The following CALN1 variants were observed in gnomAD, a reference collection of about 807,000 sequenced individuals.
CALN1 encodes calcium-binding protein 8.
Under a neutral mutation model 30.6 loss-of-function variants are expected in CALN1, and 17 were observed. That is an observed-to-expected ratio of 0.56 (90% CI 0.38 to 0.83). The LOEUF (loss-of-function observed/expected upper bound fraction) is 0.83, where lower values mean the gene tolerates loss of function less well. Among genes scored for constraint, CALN1 ranks in the 40% least tolerant of loss-of-function variants. The pLI, the probability that CALN1 is intolerant of heterozygous loss-of-function variation, is 0.00. For synonymous variants in CALN1, 156 were observed against 131.4 expected (o/e 1.19, Z -1.28); for missense variants, 291 against 354.9 (o/e 0.82, Z 1.45).
At chr7:72,103,691 G>C (rs1025317176) in intron 4 of CALN1, among the ~76,000 whole-genome samples, 7 of 152,082 alleles carry the variant, frequency 4.6e-5, no homozygotes, top group African/African-American at 1.7e-4. Context: ...GACTAGACAG[G>C]GGACTGCCAC....
chr7:71,924,964 G>C (rs1466334999), intron 5 of CALN1, among the ~76,000 whole-genome samples: 1 of 152,140 alleles, frequency 6.6e-6, no homozygotes, highest in Non-Finnish European at 1.5e-5. Flanking sequence ...AATTTGGCCG[G>C]GTGCAGTGGC....
At chr7:71,813,866 G>A (rs909962972) in intron 5 of CALN1, among the ~76,000 whole-genome samples, 2 of 148,776 alleles carry the variant, frequency 1.3e-5, no homozygotes, top group African/African-American at 5.0e-5. Flanking sequence ...GGGAGGCGGA[G>A]CTTGCAGTGA....
At chr7:72,252,769 C>T (rs1373934811) in intron 3 of CALN1, among the ~76,000 whole-genome samples, 2 of 152,052 alleles carry the variant, frequency 1.3e-5, no homozygotes, top group African/African-American at 4.8e-5. Flanking sequence ...ACTCCTGTTC[C>T]TGCTTATTTT....
intron 3 of CALN1, among the ~76,000 whole-genome samples, chr7:72,161,734 G>A (rs1788124598): frequency 6.6e-6 from 1 of 152,030 alleles, no homozygotes; most frequent in Non-Finnish European, 1.5e-5. Flanking sequence ...CAGGGACACA[G>A]GGAGGGGAGC....
intron 5 of CALN1, among the ~76,000 whole-genome samples, chr7:71,870,868 A>G (rs1791881906): frequency 6.6e-6 from 1 of 152,166 alleles, no homozygotes; most frequent in African/African-American, 2.4e-5. Context: ...GAGAGAAAAG[A>G]CTGCTGAGCA....
intron 4 of CALN1, among the ~76,000 whole-genome samples, chr7:72,024,642 G>A (rs992619549): frequency 3.9e-5 from 6 of 152,018 alleles, no homozygotes; most frequent in East Asian, 3.9e-4. Context: ...CAAGTGATCC[G>A]CCTGCCTTGG....
the CALN1 span, among the ~76,000 whole-genome samples, chr7:72,501,940 T>TAA: frequency 1.2e-5 from 1 of 83,944 alleles, no homozygotes; most frequent in Non-Finnish European, 2.2e-5. Context: ...TATATATATA[T>TAA]ATATATATAC....
At chr7:71,929,058 C>T (rs1303110828) in intron 5 of CALN1, among the ~76,000 whole-genome samples, 2 of 152,102 alleles carry the variant, frequency 1.3e-5, no homozygotes, top group African/African-American at 2.4e-5. Context: ...GGTCTGGCTA[C>T]TTCCACTTAG....
intron 2 of CALN1, among the ~76,000 whole-genome samples, chr7:72,327,507 G>A (rs1024652628): frequency 1.3e-5 from 2 of 152,050 alleles, no homozygotes; most frequent in Admixed American, 6.6e-5. Flanking sequence ...ATAAATAAAC[G>A]AACACTTCAT....
chr7:72,441,443 T>G (rs1315267483), intron 1 of CALN1, among the ~76,000 whole-genome samples: 2 of 151,434 alleles, frequency 1.3e-5, no homozygotes, highest in Non-Finnish European at 2.9e-5. Flanking sequence ...ACTAAAAATA[T>G]AAAAATTAGT....
intron 5 of CALN1, among the ~76,000 whole-genome samples, chr7:71,851,517 CAAAA>C (rs1214442950): frequency 6.7e-6 from 1 of 149,248 alleles, no homozygotes; most frequent in African/African-American, 2.5e-5. Context: ...GGCCGTGTCT[CAAAA>C]AAGAAAAAAA....
chr7:72,155,531 T>A (rs569136995), intron 3 of CALN1, among the ~76,000 whole-genome samples: 1 of 149,756 alleles, frequency 6.7e-6, no homozygotes, highest in Non-Finnish European at 1.5e-5. Flanking sequence ...AAAAAGAAAA[T>A]GTGTGTTGTT....
intron 2 of CALN1, among the ~76,000 whole-genome samples, chr7:72,335,614 T>C (rs1801967641): frequency 6.6e-6 from 1 of 152,200 alleles, no homozygotes; most frequent in African/African-American, 2.4e-5. Flanking sequence ...GCTCAGGGCC[T>C]GGGGATGGCT....
At chr7:72,017,113 G>A (rs867453427) in intron 5 of CALN1, among the ~76,000 whole-genome samples, 8 of 148,040 alleles carry the variant, frequency 5.4e-5, no homozygotes, top group Non-Finnish European at 1.0e-4. Context: ...GCAGTGAGCC[G>A]AGATGATGTA....
chr7:72,502,945 G>C, the CALN1 span, among the ~76,000 whole-genome samples: 2 of 152,122 alleles, frequency 1.3e-5, no homozygotes, highest in Admixed American at 6.5e-5. Flanking sequence ...TTGAGGTCAG[G>C]AGTTCGAGAC....
intron 5 of CALN1, among the ~76,000 whole-genome samples, chr7:71,955,920 A>G (rs1017030968): frequency 1.3e-5 from 2 of 151,986 alleles, no homozygotes; most frequent in Non-Finnish European, 2.9e-5. Context: ...GTACCTGGTG[A>G]TCTCAGAGCC....
chr7:71,953,272 T>G (rs1031703919), intron 5 of CALN1, among the ~76,000 whole-genome samples: 2 of 152,082 alleles, frequency 1.3e-5, no homozygotes, highest in Non-Finnish European at 2.9e-5. Flanking sequence ...CCTCCACACT[T>G]TATCTTAATC....
intron 3 of CALN1, among the ~76,000 whole-genome samples, chr7:72,234,034 A>G (rs1794296643): frequency 6.6e-6 from 1 of 152,132 alleles, no homozygotes; most frequent in Admixed American, 6.5e-5. Context: ...CAAACAAACA[A>G]ACTAAATTAA....
upstream of CALN1, among the ~76,000 whole-genome samples, chr7:72,413,283 CACA>C (rs1274120586): frequency 1.3e-5 from 2 of 151,216 alleles, no homozygotes; most frequent in Admixed American, 1.3e-4. Context: ...CATGCACACA[CACA>C]CCACATGTAC....
Sources: gnomAD v4.1 joint callset for allele counts (sites outside exome capture counted in the v4.1 genomes callset) on GRCh38, gnomAD v4.1.1 for gene constraint, MANE v1.5 for transcripts, NCBI Gene and HGNC (gene_info 2026-07-23, HGNC 2026-07-21) for gene names.